FBXW11: variants seen among roughly 807,000 people sequenced by gnomAD.
The protein encoded by FBXW11 is F-box and WD repeat domain containing 11.
Under a neutral mutation model 77.6 loss-of-function variants are expected in FBXW11, and 19 were observed. That is an observed-to-expected ratio of 0.24 (90% CI 0.17 to 0.36). FBXW11 has a LOEUF of 0.36. FBXW11 is among the 10% of genes least tolerant of loss of function. The pLI, the probability that FBXW11 is intolerant of heterozygous loss-of-function variation, is 1.00. For synonymous variants in FBXW11, 235 were observed against 249.4 expected, an observed-to-expected ratio of 0.94 and a Z score of 0.54; for missense variants, 334 against 704.2, an observed-to-expected ratio of 0.47 and a Z score of 5.95.
intron 2 of FBXW11, among the ~76,000 whole-genome samples, chr5:171,943,168 G>A (rs1762833321): frequency 6.6e-6 from 1 of 152,114 alleles, no homozygotes; most frequent in Admixed American, 6.5e-5. Flanking sequence ...CTTTATATTA[G>A]GGTAGACAGT....
chr5:171,969,738 G>C (rs1764420999), intron 1 of FBXW11, among the ~76,000 whole-genome samples: 1 of 152,152 alleles, frequency 6.6e-6, no homozygotes, highest in Admixed American at 6.5e-5. Flanking sequence ...ATTGCGCTCT[G>C]TCACCCAGGC....
intron 2 of FBXW11, among the ~76,000 whole-genome samples, chr5:171,925,807 T>C (rs532012238): frequency 2.0e-5 from 3 of 152,322 alleles, no homozygotes; most frequent in South Asian, 2.1e-4. Flanking sequence ...CTTTACAAAG[T>C]AGATTTTTAA....
intron 1 of FBXW11, 86 bp downstream of exon 1, chr5:172,006,372 C>G: frequency 1.7e-6 from 2 of 1,206,782 alleles, no homozygotes; most frequent in Non-Finnish European, 2.2e-6. Context: ...AGGGCCAGAG[C>G]CGGCCTCGCA....
chr5:171,924,044 C>T (rs149349044), intron 2 of FBXW11, among the ~76,000 whole-genome samples: 49 of 151,316 alleles, frequency 3.2e-4, no homozygotes, highest in African/African-American at 1.1e-3. Flanking sequence ...CCTGCCTCAG[C>T]CTCCCGAGTA....
chr5:171,868,504 G>A (rs1030789391), intron 13 of FBXW11, 106 bp downstream of exon 13: 1 of 883,516 alleles, frequency 1.1e-6, no homozygotes, highest in Middle Eastern at 3.7e-4. Flanking sequence ...ACACGTCTAA[G>A]AGAGACCTTG....
chr5:171,954,452 A>G (rs1379979272), intron 2 of FBXW11, among the ~76,000 whole-genome samples: 2 of 152,236 alleles, frequency 1.3e-5, no homozygotes, highest in African/African-American at 4.8e-5. Flanking sequence ...CGTGGAAAAT[A>G]AATGATACAT....
intron 1 of FBXW11, among the ~76,000 whole-genome samples, chr5:172,004,031 T>C (rs1475551974): frequency 1.3e-5 from 2 of 152,226 alleles, no homozygotes; most frequent in African/African-American, 2.4e-5. Context: ...ACCATCAGTT[T>C]AACCCCTTTT....
chr5:171,982,880 G>A (rs1341083561), intron 1 of FBXW11, among the ~76,000 whole-genome samples: 1 of 151,920 alleles, frequency 6.6e-6, no homozygotes, highest in Non-Finnish European at 1.5e-5. Flanking sequence ...ATACCCCAGG[G>A]GAAGGCATGC....
At chr5:171,962,338 T>C (rs151323199) in intron 1 of FBXW11, among the ~76,000 whole-genome samples, 26 of 152,328 alleles carry the variant, frequency 1.7e-4, no homozygotes, top group Non-Finnish European at 2.2e-4. Context: ...GGGTCAAAAA[T>C]TGCCAAGATA....
intron 1 of FBXW11, among the ~76,000 whole-genome samples, chr5:171,983,213 G>C (rs1765246873): frequency 6.6e-6 from 1 of 152,034 alleles, no homozygotes; most frequent in Admixed American, 6.6e-5. Flanking sequence ...AAAAAACCAA[G>C]AGGACAGGGT....
At chr5:171,983,925 C>T (rs1429877132) in intron 1 of FBXW11, among the ~76,000 whole-genome samples, 1 of 151,480 alleles carries the variant, frequency 6.6e-6, no homozygotes, top group African/African-American at 2.4e-5. Context: ...GCAACCCAAG[C>T]ATTTCATCAA....
chr5:171,984,400 G>A (rs1172184914), intron 1 of FBXW11, among the ~76,000 whole-genome samples: 1 of 152,166 alleles, frequency 6.6e-6, no homozygotes, highest in African/African-American at 2.4e-5. Context: ...TTACACAGTA[G>A]CCAGGCATGG....
chr5:172,004,846 C>T (rs1172124504), intron 1 of FBXW11, among the ~76,000 whole-genome samples: 1 of 148,330 alleles, frequency 6.7e-6, no homozygotes, highest in African/African-American at 2.5e-5. Flanking sequence ...ATGTGACATC[C>T]CTTTGAAAAC....
At chr5:171,878,603 A>AGAGAGTGTGTGT (rs138423567) in intron 7 of FBXW11, among the ~76,000 whole-genome samples, 3 of 128,474 alleles carry the variant, frequency 2.3e-5, no homozygotes, top group African/African-American at 8.9e-5. Flanking sequence ...AGAGAGAGAG[A>AGAGAGTGTGTGT]GTGTGTGTGT....
intron 2 of FBXW11, among the ~76,000 whole-genome samples, chr5:171,940,664 C>A (rs766676281): frequency 1.3e-5 from 2 of 152,004 alleles, no homozygotes; most frequent in African/African-American, 4.8e-5. Context: ...CCAAGGCAGG[C>A]GAATCAAGAG....
chr5:171,922,869 GT>G (rs1475919236), intron 2 of FBXW11, among the ~76,000 whole-genome samples: 1 of 152,142 alleles, frequency 6.6e-6, no homozygotes, highest in Admixed American at 6.5e-5. Flanking sequence ...GTGGACGAAT[GT>G]TTTTCTTCTT....
At chr5:171,888,916 T>C (rs545310592) in intron 7 of FBXW11, among the ~76,000 whole-genome samples, 3 of 152,008 alleles carry the variant, frequency 2.0e-5, no homozygotes, top group African/African-American at 7.3e-5. Flanking sequence ...AACAGGAGAA[T>C]AGAGATGAAG....
At chr5:171,866,629 C>A (rs1268953278) in intron 13 of FBXW11, among the ~76,000 whole-genome samples, 3 of 152,168 alleles carry the variant, frequency 2.0e-5, no homozygotes, top group African/African-American at 4.8e-5. Flanking sequence ...GTTGTCAGTT[C>A]ATCTATTGTA....
At chr5:171,926,726 C>T (rs1000829437) in intron 2 of FBXW11, among the ~76,000 whole-genome samples, 20 of 152,184 alleles carry the variant, frequency 1.3e-4, no homozygotes, top group Non-Finnish European at 2.5e-4. Flanking sequence ...TACCCAATCT[C>T]AGGTATTTCT....
Sources: gnomAD v4.1 joint callset for allele counts (sites outside exome capture counted in the v4.1 genomes callset) on GRCh38, gnomAD v4.1.1 for gene constraint, MANE v1.5 for transcripts, NCBI Gene and HGNC (gene_info 2026-07-23, HGNC 2026-07-21) for gene names.